Variants in DST observed in about 807,000 individuals in gnomAD.
DST encodes bullous pemphigoid antigen.
A neutral mutation model predicts 875.2 loss-of-function variants in DST; 253 were observed. The ratio of observed to expected loss-of-function variants is 0.29; its 90% CI spans 0.26 to 0.32. DST has a LOEUF of 0.32. Among genes scored for constraint, DST ranks in the 10% least tolerant of loss-of-function variants. The pLI, the probability that DST is intolerant of heterozygous loss-of-function variation, is 1.00. For missense variants in DST, 8,287 were observed against 9,111.6 expected, an observed-to-expected ratio of 0.91 and a Z score of 3.68; for synonymous variants, 3,124 against 3,197.1, an observed-to-expected ratio of 0.98 and a Z score of 0.77.
In DST at chr6:56,635,925, C is replaced by T. The variant is rs2098819947; in HGVS notation, c.3061-211G>A. On this transcript the variant is annotated intron_variant, in intron 23 of 103. Transcript: ENST00000680361. ...GAATGAACATACTAAGTGTCCAAAG[C>T]TTATATGATGTTTTGGCTCTCTATT... Among the ~76,000 whole-genome samples the T allele has an allele frequency of 2.0e-5, 3 of 152,090 alleles. 1 individual carries two copies. The South Asian group carries it at 6.2e-4, about 31-fold the overall frequency.
chr6:56,558,103 G>A (rs995060302), intron 58 of DST, among the ~76,000 whole-genome samples: 6 of 152,016 alleles, frequency 3.9e-5, no homozygotes, highest in Non-Finnish European at 7.4e-5. Flanking sequence ...TTTCTCCCAT[G>A]TCATAAAGAT....
At chr6:56,642,272 T>G in intron 16 of DST, 138 bp downstream of exon 16, 1 of 869,766 alleles carries the variant, frequency 1.1e-6, no homozygotes, top group Admixed American at 2.0e-5. Flanking sequence ...CAAACACCAA[T>G]CATAATCTTT....
In DST at chr6:56,485,419, G is replaced by A. The variant is rs767433417; in HGVS notation, c.21100C>T (p.Leu7034=). The change falls in exon 88 of 104, where the codon CTA becomes TTA. Residue 7034 remains leucine, a synonymous_variant. Coordinates refer to ENST00000680361, the MANE Select transcript of DST (RefSeq NM_001374736.1). ...TATAACCAATCAATGAGAGCCTGTA[G>A]GGCATCTGTGAATTGTCCAGAAAAT... ...LLFSGQFTDA[L]QALIDWLYRV... The A allele has an allele frequency of 1.1e-5, 18 of 1,613,768 alleles. No individual in the cohort carries two copies. The highest frequency in any genetic ancestry group is 1.5e-5 in the Non-Finnish European group (18 of 1,179,842).
intron 2 of DST, among the ~76,000 whole-genome samples, chr6:56,913,717 T>C (rs754296178): frequency 2.6e-4 from 40 of 152,240 alleles, no homozygotes; most frequent in Non-Finnish European, 3.8e-4. Context: ...TCTGCTAATC[T>C]GTACTCTCAG....
At chr6:56,473,125 G>C (rs750813986) in intron 93 of DST, among the ~76,000 whole-genome samples, 14 of 152,190 alleles carry the variant, frequency 9.2e-5, no homozygotes, top group Non-Finnish European at 1.6e-4. Flanking sequence ...CTGAGGTTCA[G>C]AATGAGTTTA....
intron 4 of DST, among the ~76,000 whole-genome samples, chr6:56,818,396 T>A (rs2099769201): frequency 6.6e-6 from 1 of 152,120 alleles, no homozygotes; most frequent in South Asian, 2.1e-4. Context: ...ATAACATGGG[T>A]AATGCATACT....
chr6:56,532,248 A>G, intron 64 of DST, 96 bp downstream of exon 64: 1 of 1,120,064 alleles, frequency 8.9e-7, no homozygotes. Context: ...AACATAGGAA[A>G]ATCATGATTT....
At chr6:56,784,609 T>G (rs1371137452) in intron 4 of DST, among the ~76,000 whole-genome samples, 1 of 152,212 alleles carries the variant, frequency 6.6e-6, no homozygotes, top group Non-Finnish European at 1.5e-5. Flanking sequence ...TATTGGTTAT[T>G]GTAGTTATAT....
intron 4 of DST, among the ~76,000 whole-genome samples, chr6:56,826,738 T>C (rs553876992): frequency 2.0e-5 from 3 of 152,374 alleles, no homozygotes; most frequent in African/African-American, 7.2e-5. Flanking sequence ...TTCCTGGTCA[T>C]TCAGGATGTT....
intron 49 of DST, among the ~76,000 whole-genome samples, chr6:56,591,022 T>C (rs1299295427): frequency 6.6e-6 from 1 of 152,248 alleles, no homozygotes; most frequent in Non-Finnish European, 1.5e-5. Flanking sequence ...GAAAGACAGC[T>C]GTCTAACTGG....
intron 55 of DST, among the ~76,000 whole-genome samples, chr6:56,562,931 T>C (rs2097564338): frequency 6.6e-6 from 1 of 152,236 alleles, no homozygotes; most frequent in South Asian, 2.1e-4. Context: ...TCCTTTTTTA[T>C]GGCTGCATAG....
In DST at chr6:56,479,238, C is replaced by T. The variant is rs528043886; in HGVS notation, c.21532-1750G>A. Among the ~76,000 whole-genome samples, 22 of 152,260 alleles carry T rather than the reference C, an allele frequency of 1.4e-4. No homozygotes were observed. In the East Asian group the frequency reaches 4.1e-3, roughly 28 times the overall value. On this transcript the variant is annotated intron_variant, in intron 90 of 103. Transcript: ENST00000680361. ...AAAGCCACCCTGAGATATCATATTA[C>T]ACAAGTCAGGATGACTATTACTAAA...
chr6:56,777,676 T>C (rs2099681833), intron 4 of DST, among the ~76,000 whole-genome samples: 1 of 151,994 alleles, frequency 6.6e-6, no homozygotes, highest in African/African-American at 2.4e-5. Flanking sequence ...AGTGAATCAT[T>C]AGAAATAGGA....
At chr6:56,915,223 T>C (rs546584801) in intron 2 of DST, among the ~76,000 whole-genome samples, 7 of 152,132 alleles carry the variant, frequency 4.6e-5, no homozygotes, top group South Asian at 2.1e-4. Context: ...ATAAAAAGAG[T>C]CACGGTTTAA....
chr6:56,802,948 G>C (rs886857883), intron 4 of DST, among the ~76,000 whole-genome samples: 4 of 152,156 alleles, frequency 2.6e-5, no homozygotes, highest in African/African-American at 9.7e-5. Context: ...AACACAGAAA[G>C]AATATCATAC....
In DST at chr6:56,765,459, A is replaced by G. The variant is rs577813605; in HGVS notation, c.626-30170T>C. Among the ~76,000 whole-genome samples, 5 of 152,340 alleles carry G rather than the reference A, an allele frequency of 3.3e-5. No homozygotes were observed. The South Asian group carries it at 1.0e-3, about 32-fold the overall frequency. On this transcript the variant is annotated intron_variant, in intron 4 of 103. Coordinates refer to ENST00000680361, the MANE Select transcript of DST (RefSeq NM_001374736.1). ...AGAAACTAGAACTGCCAATGAAGAG[A>G]ATGAATTCCAATCAACCATAGTAGA...
chr6:56,484,710 T>G (rs1330204281), intron 88 of DST: 1 of 152,304 alleles, frequency 6.6e-6, no homozygotes, highest in Non-Finnish European at 1.5e-5. Context: ...GAATATTACC[T>G]TTGATTTACA....
chr6:56,518,661 T>C (rs1056952949), intron 69 of DST, among the ~76,000 whole-genome samples: 4 of 152,182 alleles, frequency 2.6e-5, no homozygotes, highest in Non-Finnish European at 5.9e-5. Flanking sequence ...AGCACGAACA[T>C]TTTCAATGTC....
intron 4 of DST, among the ~76,000 whole-genome samples, chr6:56,849,590 A>G (rs1291589030): frequency 6.6e-6 from 1 of 152,194 alleles, no homozygotes; most frequent in Non-Finnish European, 1.5e-5. Context: ...CAGCACCTTC[A>G]TGTACACTGC....
Sources: allele counts gnomAD v4.1 joint callset (sites outside exome capture counted in the v4.1 genomes callset), GRCh38; gene constraint gnomAD v4.1.1; transcripts MANE v1.5; gene names NCBI Gene and HGNC (gene_info 2026-07-23, HGNC 2026-07-21).